The following MIPOL1 variants were observed in gnomAD, a reference collection of about 807,000 sequenced individuals.
MIPOL1 encodes the protein mirror-image polydactyly 1, also known as mirror-image polydactyly gene 1 protein.
Under a neutral mutation model 60.9 loss-of-function variants are expected in MIPOL1, and 57 were observed. The ratio of observed to expected loss-of-function variants is 0.94; its 90% CI spans 0.76 to 1.17. The LOEUF is 1.17. Among genes scored for constraint, MIPOL1 ranks in the 50% most tolerant of loss-of-function variants. The pLI is 0.00. For synonymous variants in MIPOL1, 179 were observed against 168.8 expected (o/e 1.06, Z -0.47); for missense variants, 551 against 511.6 (o/e 1.08, Z -0.74).
At chr14:37,340,561 T>C (rs1257235388) in intron 9 of MIPOL1, among the ~76,000 whole-genome samples, 2 of 151,722 alleles carry the variant, frequency 1.3e-5, no homozygotes, top group Non-Finnish European at 2.9e-5. Context: ...AATGCAGAAA[T>C]TAGTTGGATG....
At position 37,348,960 on chromosome 14, in the gene MIPOL1, G is replaced by A. The variant is rs114161906; in HGVS notation, c.829-20557G>A. Among the ~76,000 whole-genome samples, 900 of 149,032 alleles carry A rather than the reference G, an allele frequency of 6.0e-3. 9 individuals carry two copies. Among genetic ancestry groups the A allele is most frequent in the African/African-American group, 0.021 (857 of 40,360 alleles). On this transcript the variant is annotated intron_variant, in intron 9 of 12. Transcript: ENST00000684589. ...TCTCCTGCTTTAGCCTCGTACAGGC[G>A]GTGCCACCATGCCCAGCTAATTCTT...
chr14:37,285,583 CT>C (rs1176004019), intron 7 of MIPOL1, 136 bp downstream of exon 7: 7 of 825,870 alleles, frequency 8.5e-6, no homozygotes, highest in African/African-American at 1.8e-5. Flanking sequence ...CAGTCTTTTT[CT>C]TTTTTTCTTT....
chr14:37,227,041 A>G (rs548179505), intron 1 of MIPOL1, among the ~76,000 whole-genome samples: 30 of 152,340 alleles, frequency 2.0e-4, no homozygotes, highest in East Asian at 9.7e-4. Context: ...TAGGGAACTC[A>G]TAAGGCATAT....
intron 9 of MIPOL1, among the ~76,000 whole-genome samples, chr14:37,360,960 C>T (rs1361374255): frequency 1.3e-5 from 2 of 152,212 alleles, no homozygotes; most frequent in Non-Finnish European, 1.5e-5. Context: ...GCATTTAGTG[C>T]TATAAATTTC....
chr14:37,513,414 A>T (rs753454262), intron 12 of MIPOL1, among the ~76,000 whole-genome samples: 8 of 152,134 alleles, frequency 5.3e-5, no homozygotes, highest in Non-Finnish European at 1.2e-4. Context: ...AATTATATTC[A>T]TTTATTTATA....
At chr14:37,451,427 A>G in intron 11 of MIPOL1, among the ~76,000 whole-genome samples, 1 of 152,172 alleles carries the variant, frequency 6.6e-6, no homozygotes, top group East Asian at 1.9e-4. Context: ...GAAAGTCTCA[A>G]ATATGATAAG....
intron 1 of MIPOL1, among the ~76,000 whole-genome samples, chr14:37,230,697 T>A (rs1312407623): frequency 5.3e-5 from 8 of 152,204 alleles, no homozygotes; most frequent in Admixed American, 5.2e-4. Flanking sequence ...CTGGGTTTTC[T>A]AAAAGTCAGT....
At chr14:37,268,457 C>G (rs553429764) in intron 4 of MIPOL1, among the ~76,000 whole-genome samples, 4 of 152,226 alleles carry the variant, frequency 2.6e-5, no homozygotes, top group African/African-American at 9.6e-5. Context: ...CCAGCCGTCA[C>G]TAAATTTCTT....
At position 37,287,230 on chromosome 14, in the gene MIPOL1, A is replaced by AAT. The variant is rs1003563693; in HGVS notation, c.623+1794_623+1795dup. Reference sequence around the variant, plus strand: ...GTAAAATATTTTATATATATTTAAAAATATATATATATGTATGGGTTGGTT... The same window carrying AAT: ...GTAAAATATTTTATATATATTTAAAAATATATATATATATGTATGGGTTGGTT... On this transcript the variant is annotated intron_variant, in intron 7 of 12. Coordinates refer to ENST00000684589, the MANE Select transcript of MIPOL1 (RefSeq NM_001388067.1). Among the ~76,000 whole-genome samples the AAT allele has an allele frequency of 6.0e-5, 9 of 150,242 alleles. No homozygotes were observed. The South Asian group carries it at 8.4e-4, about 14-fold the overall frequency.
chr14:37,458,079 A>G (rs2094497128), intron 11 of MIPOL1, among the ~76,000 whole-genome samples: 1 of 152,204 alleles, frequency 6.6e-6, no homozygotes, highest in Non-Finnish European at 1.5e-5. Flanking sequence ...CAGTAAAAAA[A>G]AAAGATAAAG....
chr14:37,335,046 A>G (rs1475212069), intron 9 of MIPOL1, among the ~76,000 whole-genome samples: 1 of 152,056 alleles, frequency 6.6e-6, no homozygotes, highest in African/African-American at 2.4e-5. Context: ...TGGAATTGCT[A>G]GATCATGTGG....
At chr14:37,249,653 A>G (rs1973770547) in intron 3 of MIPOL1, among the ~76,000 whole-genome samples, 1 of 152,178 alleles carries the variant, frequency 6.6e-6, no homozygotes, top group South Asian at 2.1e-4. Context: ...TGCGTATATT[A>G]TGTGACACTT....
intron 10 of MIPOL1, among the ~76,000 whole-genome samples, chr14:37,392,273 T>C (rs10782386): frequency 0.97 from 147,441 of 152,222 alleles, 71,481 homozygotes; most frequent in East Asian, 1. Context: ...TTTGAACATA[T>C]GGATTTTGCA....
chr14:37,426,570 C>CATATACATATATAT (rs1555339840), intron 11 of MIPOL1, among the ~76,000 whole-genome samples: 1 of 85,528 alleles, frequency 1.2e-5, no homozygotes, highest in Non-Finnish European at 2.2e-5. Flanking sequence ...TCAAAATATA[C>CATATACATATATAT]ATATATATAT....
chr14:37,361,601 C>CT (rs1555315457), intron 9 of MIPOL1, among the ~76,000 whole-genome samples: 2 of 132,200 alleles, frequency 1.5e-5, no homozygotes, highest in Non-Finnish European at 3.1e-5. Flanking sequence ...TTTGTTTCTC[C>CT]CTCTCTCTCT....
chr14:37,446,356 A>G (rs1169814850), intron 11 of MIPOL1, among the ~76,000 whole-genome samples: 1 of 152,188 alleles, frequency 6.6e-6, no homozygotes, highest in Non-Finnish European at 1.5e-5. Context: ...GAGAAATGCA[A>G]ATCAAAACCA....
intron 6 of MIPOL1, among the ~76,000 whole-genome samples, chr14:37,280,962 G>A (rs1416410693): frequency 6.6e-6 from 1 of 152,138 alleles, no homozygotes; most frequent in Non-Finnish European, 1.5e-5. Context: ...CTCCTACACT[G>A]TAGGTTGTCT....
intron 1 of MIPOL1, among the ~76,000 whole-genome samples, chr14:37,204,061 C>A (rs538495401): frequency 1.3e-5 from 2 of 151,980 alleles, no homozygotes; most frequent in Non-Finnish European, 2.9e-5. Context: ...GGATTACAGA[C>A]GTGAGCCACT....
At chr14:37,229,336 A>C (rs1014940895) in intron 1 of MIPOL1, among the ~76,000 whole-genome samples, 1 of 152,012 alleles carries the variant, frequency 6.6e-6, no homozygotes, top group African/African-American at 2.4e-5. Context: ...TGTAGAGACG[A>C]GATTTTGCCA....
Sources: gnomAD v4.1 joint callset for allele counts (sites outside exome capture counted in the v4.1 genomes callset) on GRCh38, gnomAD v4.1.1 for gene constraint, MANE v1.5 for transcripts, NCBI Gene and HGNC (gene_info 2026-07-23, HGNC 2026-07-21) for gene names.